The following PRDM5 variants were observed in gnomAD, a reference collection of about 807,000 sequenced individuals.
The protein encoded by PRDM5 is PR domain zinc finger protein 5.
PRDM5 carries 56 observed loss-of-function variants against 81.2 expected under a neutral mutation model. That is an observed-to-expected ratio of 0.69 (90% CI 0.56 to 0.86). The LOEUF (loss-of-function observed/expected upper bound fraction) is 0.86, where lower values mean the gene tolerates loss of function less well. PRDM5 is among the 40% of genes least tolerant of loss of function. The probability of loss-of-function intolerance (pLI) is 0.00; values close to 1 mark genes in which losing one functional copy is unlikely to be tolerated. For synonymous variants in PRDM5, 267 were observed against 256.4 expected, an observed-to-expected ratio of 1.04 and a Z score of -0.39; for missense variants, 697 against 770.1, an observed-to-expected ratio of 0.91 and a Z score of 1.12.
intron 10 of PRDM5, among the ~76,000 whole-genome samples, chr4:120,795,020 G>A (rs1751151851): frequency 6.6e-6 from 1 of 152,144 alleles, no homozygotes; most frequent in South Asian, 2.1e-4. Flanking sequence ...AAGACTTGAT[G>A]AGACATTAAG....
At chr4:120,750,207 G>A (rs1010039290) in intron 14 of PRDM5, among the ~76,000 whole-genome samples, 5 of 152,196 alleles carry the variant, frequency 3.3e-5, no homozygotes, top group African/African-American at 1.2e-4. Flanking sequence ...GTCAGAAGCA[G>A]GGGCCACCTA....
At chr4:120,771,701 G>A (rs1561170051) in intron 13 of PRDM5, among the ~76,000 whole-genome samples, 1 of 152,070 alleles carries the variant, frequency 6.6e-6, no homozygotes, top group Non-Finnish European at 1.5e-5. Context: ...AAATAAAAGG[G>A]AAAGGTATTG....
intron 3 of PRDM5, among the ~76,000 whole-genome samples, chr4:120,847,684 C>T (rs939381732): frequency 3.3e-5 from 5 of 152,080 alleles, no homozygotes; most frequent in East Asian, 1.9e-4. Flanking sequence ...TGTTACATAA[C>T]GATGGATAAC....
intron 13 of PRDM5, 33 bp downstream of exon 13, chr4:120,777,155 G>GT (rs1390126595): frequency 5.6e-6 from 9 of 1,612,684 alleles, no homozygotes; most frequent in East Asian, 2.2e-5. Context: ...TCTCTAAGTG[G>GT]TTTTTTCACT....
intron 2 of PRDM5, among the ~76,000 whole-genome samples, chr4:120,887,801 T>C (rs367954560): frequency 7.4e-5 from 4 of 53,700 alleles, no homozygotes; most frequent in African/African-American, 6.0e-4. Context: ...TTTTTTTTTT[T>C]TTTTTTTTTG....
chr4:120,857,387 G>A (rs575694419), intron 2 of PRDM5, among the ~76,000 whole-genome samples: 1 of 152,044 alleles, frequency 6.6e-6, no homozygotes, highest in South Asian at 2.1e-4. Flanking sequence ...AGTAGGAAAG[G>A]GAAAGATACC....
At chr4:120,699,521 C>A (rs1268044061) in intron 15 of PRDM5, among the ~76,000 whole-genome samples, 3 of 152,090 alleles carry the variant, frequency 2.0e-5, no homozygotes, top group Non-Finnish European at 4.4e-5. Context: ...GTCAGCCAAC[C>A]AGCACCAACA....
intron 13 of PRDM5, among the ~76,000 whole-genome samples, chr4:120,770,527 A>G (rs1186986535): frequency 6.6e-6 from 1 of 151,064 alleles, no homozygotes; most frequent in Admixed American, 6.6e-5. Flanking sequence ...TTTACGTGAC[A>G]TGGGAGCCTT....
intron 15 of PRDM5, among the ~76,000 whole-genome samples, chr4:120,707,355 A>C (rs1414782483): frequency 6.6e-6 from 1 of 152,088 alleles, no homozygotes; most frequent in Admixed American, 6.5e-5. Flanking sequence ...ATTGATGCAG[A>C]AAAGGTATCT....
At chr4:120,685,851 A>G (rs1733813929) in intron 1 of PRDM5, among the ~76,000 whole-genome samples, 1 of 151,902 alleles carries the variant, frequency 6.6e-6, no homozygotes, top group South Asian at 2.1e-4. Flanking sequence ...CTTTTCATAT[A>G]GTTTGGATAT....
At chr4:120,841,727 C>T (rs993320420) in intron 3 of PRDM5, among the ~76,000 whole-genome samples, 1 of 152,178 alleles carries the variant, frequency 6.6e-6, no homozygotes, top group African/African-American at 2.4e-5. Context: ...CACACCCACG[C>T]ACTCACACGT....
chr4:120,747,361 C>G (rs1482716420), intron 14 of PRDM5, among the ~76,000 whole-genome samples: 3 of 151,028 alleles, frequency 2.0e-5, no homozygotes, highest in Non-Finnish European at 2.9e-5. Flanking sequence ...GTGCAGCACA[C>G]CAGCATGGCA....
chr4:120,865,547 A>G (rs1007597398), intron 2 of PRDM5, among the ~76,000 whole-genome samples: 3 of 152,052 alleles, frequency 2.0e-5, no homozygotes, highest in Admixed American at 2.0e-4. Flanking sequence ...GAGTCACTCT[A>G]CTCATCAAAC....
At chr4:120,885,134 C>CAAAAAAAAAAAAAAA (rs60623556) in intron 2 of PRDM5, among the ~76,000 whole-genome samples, 2 of 50,704 alleles carry the variant, frequency 3.9e-5, no homozygotes, top group Non-Finnish European at 8.2e-5. Flanking sequence ...GACTCCGTAT[C>CAAAAAAAAAAAAAAA]AAAAAAAAAA....
chr4:120,764,224 TA>T lies in PRDM5; in HGVS notation c.1538-9587del, dbSNP rs902990039. ...ATCCATTTTTGAGGACTCCAGTATA[TA>T]AAAAAAAGAAGAAATGATAAAAATA... is the stretch of plus-strand genomic sequence containing the variant. On this transcript the variant is annotated intron_variant, in intron 13 of 15. Coordinates refer to ENST00000264808, the MANE Select transcript of PRDM5 (RefSeq NM_018699.4). Among the ~76,000 whole-genome samples, 30 of 151,922 alleles carry T rather than the reference TA, an allele frequency of 2.0e-4. No homozygotes were observed. In the East Asian group the frequency reaches 4.1e-3, roughly 21 times the overall value.
At chr4:120,771,898 T>C (rs1180595290) in intron 13 of PRDM5, among the ~76,000 whole-genome samples, 1 of 152,246 alleles carries the variant, frequency 6.6e-6, no homozygotes, top group Middle Eastern at 3.2e-3. Flanking sequence ...ATTATACTTA[T>C]GACAATGAAC....
chr4:120,738,105 G>A (rs1741382166), intron 14 of PRDM5, among the ~76,000 whole-genome samples: 1 of 152,184 alleles, frequency 6.6e-6, no homozygotes, highest in Non-Finnish European at 1.5e-5. Flanking sequence ...AACAGCTTTA[G>A]TCAGAGAGCA....
intron 14 of PRDM5, among the ~76,000 whole-genome samples, chr4:120,723,246 T>C (rs1295320404): frequency 1.3e-5 from 2 of 152,216 alleles, no homozygotes; most frequent in Non-Finnish European, 1.5e-5. Context: ...AATGAGTTCT[T>C]TTACACAGCA....
chr4:120,739,532 T>G (rs1284377241), intron 14 of PRDM5, among the ~76,000 whole-genome samples: 1 of 152,154 alleles, frequency 6.6e-6, no homozygotes, highest in Non-Finnish European at 1.5e-5. Context: ...GTCAGTTCAA[T>G]CCCTCACATC....
Sources: gnomAD v4.1 joint callset for allele counts (sites outside exome capture counted in the v4.1 genomes callset) on GRCh38, gnomAD v4.1.1 for gene constraint, MANE v1.5 for transcripts, NCBI Gene and HGNC (gene_info 2026-07-23, HGNC 2026-07-21) for gene names.